ARHGAP15: variants seen among roughly 807,000 people sequenced by gnomAD.
ARHGAP15 encodes rho GTPase-activating protein 15.
ARHGAP15 carries 51 observed loss-of-function variants against 63.7 expected under a neutral mutation model. That is an observed-to-expected ratio of 0.80 (90% CI 0.64 to 1.01). ARHGAP15 has a LOEUF of 1.01. Among genes scored for constraint, ARHGAP15 ranks in the 50% least tolerant of loss-of-function variants. The pLI is 0.00. For synonymous variants in ARHGAP15, 191 were observed against 193.8 expected (o/e 0.99, Z 0.12); for missense variants, 560 against 564.6 (o/e 0.99, Z 0.08).
intron 6 of ARHGAP15, among the ~76,000 whole-genome samples, chr2:143,337,216 C>T (rs1263035394): frequency 6.6e-6 from 1 of 150,432 alleles, no homozygotes; most frequent in African/African-American, 2.4e-5. Flanking sequence ...TGAGGACTTC[C>T]CAACTTGCTG....
chr2:143,313,841 A>C (rs950133284), intron 6 of ARHGAP15, among the ~76,000 whole-genome samples: 1 of 152,126 alleles, frequency 6.6e-6, no homozygotes, highest in Non-Finnish European at 1.5e-5. Context: ...TCAAGCAGGC[A>C]CTTGGAACTT....
In ARHGAP15 at chr2:143,709,390, A is replaced by AAAT. The variant is rs1454146774; in HGVS notation, c.1244+5868_1244+5870dup. Among the ~76,000 whole-genome samples, 6 of 152,390 alleles carry AAAT rather than the reference A, an allele frequency of 3.9e-5. No individual in the cohort carries two copies. The East Asian group carries it at 1.2e-3, about 29-fold the overall frequency. On this transcript the variant is annotated intron_variant, in intron 13 of 13. Transcript: ENST00000295095. Reference sequence around the variant, plus strand: ...AGTAATGTTATTTGTTGATTTTTAAAAATAGCTTTGGAAGAATATATTTGC... The same window carrying AAAT: ...AGTAATGTTATTTGTTGATTTTTAAAAATAATAGCTTTGGAAGAATATATTTGC...
At chr2:143,566,929 C>A (rs961872721) in intron 11 of ARHGAP15, among the ~76,000 whole-genome samples, 23 of 151,872 alleles carry the variant, frequency 1.5e-4, no homozygotes, top group African/African-American at 5.6e-4. Flanking sequence ...GCTCTGTCGC[C>A]CAGTGCCACG....
At chr2:143,367,040 T>C (rs968691829) in intron 6 of ARHGAP15, among the ~76,000 whole-genome samples, 8 of 152,138 alleles carry the variant, frequency 5.3e-5, no homozygotes, top group African/African-American at 1.4e-4. Flanking sequence ...CAAGATGCAG[T>C]AGTAGCATTG....
intron 8 of ARHGAP15, among the ~76,000 whole-genome samples, chr2:143,438,141 T>A (rs992714328): frequency 6.6e-6 from 1 of 152,152 alleles, no homozygotes; most frequent in Non-Finnish European, 1.5e-5. Flanking sequence ...AATCATCATT[T>A]TTTTCCTGCT....
chr2:143,201,025 G>A (rs958092115), intron 2 of ARHGAP15, among the ~76,000 whole-genome samples: 21 of 152,052 alleles, frequency 1.4e-4, no homozygotes, highest in African/African-American at 4.6e-4. Flanking sequence ...TCTACCCCAC[G>A]ATATATTTGA....
At chr2:143,324,526 C>A (rs1200420040) in intron 6 of ARHGAP15, among the ~76,000 whole-genome samples, 3 of 152,176 alleles carry the variant, frequency 2.0e-5, no homozygotes, top group African/African-American at 7.2e-5. Flanking sequence ...GAAATGAAGG[C>A]AGAGTAGAAA....
intron 12 of ARHGAP15, among the ~76,000 whole-genome samples, chr2:143,694,645 G>A (rs1243613864): frequency 6.6e-6 from 1 of 152,170 alleles, no homozygotes; most frequent in African/African-American, 2.4e-5. Context: ...AATTTAAAAA[G>A]CTGAATCATA....
intron 1 of ARHGAP15, among the ~76,000 whole-genome samples, chr2:143,134,723 C>T (rs1246723447): frequency 2.0e-5 from 3 of 151,800 alleles, no homozygotes; most frequent in African/African-American, 7.3e-5. Flanking sequence ...CAAGCTCGGC[C>T]TCCCGGGTTC....
intron 6 of ARHGAP15, among the ~76,000 whole-genome samples, chr2:143,264,328 G>A (rs1680887134): frequency 6.6e-6 from 1 of 152,018 alleles, no homozygotes; most frequent in African/African-American, 2.4e-5. Context: ...CAAATGGGAA[G>A]GATATTTTTG....
At position 143,401,635 on chromosome 2, in the gene ARHGAP15, A is replaced by G. The variant is rs568287893; in HGVS notation, c.475-33966A>G. ...TCAAAATATTTTTTTAGAGTGTTCAATGTTAGCAGTGACATTTTTACAGTG... is the reference window on the plus strand; with the variant it reads ...TCAAAATATTTTTTTAGAGTGTTCAGTGTTAGCAGTGACATTTTTACAGTG... On this transcript the variant is annotated intron_variant, in intron 6 of 13. Transcript: ENST00000295095. 2.0e-5 allele frequency among the ~76,000 whole-genome samples: 3 copies of G among 152,086 alleles called. 1 individual carries two copies. The highest frequency in any genetic ancestry group is 7.2e-5 in the African/African-American group (3 of 41,540).
At chr2:143,315,571 G>C (rs1683664615) in intron 6 of ARHGAP15, among the ~76,000 whole-genome samples, 1 of 152,074 alleles carries the variant, frequency 6.6e-6, no homozygotes, top group African/African-American at 2.4e-5. Context: ...AACTCCCCAG[G>C]TGCTCCTGTG....
intron 13 of ARHGAP15, among the ~76,000 whole-genome samples, chr2:143,765,394 TAAC>T (rs1308839768): frequency 1.3e-5 from 2 of 152,070 alleles, no homozygotes. Context: ...GCAAATGAAA[TAAC>T]AAAGTGGCAT....
At chr2:143,193,899 G>GGAAC (rs1691774638) in intron 2 of ARHGAP15, among the ~76,000 whole-genome samples, 1 of 152,148 alleles carries the variant, frequency 6.6e-6, no homozygotes, top group Non-Finnish European at 1.5e-5. Flanking sequence ...CTTCAGTGAT[G>GGAAC]GAACATACAC....
chr2:143,268,337 G>T (rs1442681590), intron 6 of ARHGAP15, among the ~76,000 whole-genome samples: 2 of 151,974 alleles, frequency 1.3e-5, no homozygotes, highest in African/African-American at 4.8e-5. Context: ...TAGGATATGT[G>T]GCTGGCACTT....
intron 8 of ARHGAP15, among the ~76,000 whole-genome samples, chr2:143,438,831 A>G (rs765911697): frequency 3.3e-5 from 5 of 152,190 alleles, no homozygotes; most frequent in Admixed American, 6.5e-5. Flanking sequence ...TGTAGTACAT[A>G]TAAAAGAATA....
chr2:143,489,899 A>G (rs917447887), intron 9 of ARHGAP15, among the ~76,000 whole-genome samples: 10 of 152,340 alleles, frequency 6.6e-5, no homozygotes, highest in African/African-American at 2.2e-4. Context: ...ACCAAGGTTC[A>G]GGAAAGCTGT....
intron 10 of ARHGAP15, among the ~76,000 whole-genome samples, chr2:143,541,950 G>T (rs1559039389): frequency 6.6e-6 from 1 of 152,214 alleles, no homozygotes; most frequent in Non-Finnish European, 1.5e-5. Flanking sequence ...GCTGTCTTTT[G>T]TTTGTCTGTG....
chr2:143,413,967 G>A (rs867475371), intron 6 of ARHGAP15, among the ~76,000 whole-genome samples: 2 of 26,664 alleles, frequency 7.5e-5, no homozygotes, highest in Non-Finnish European at 1.6e-4. Context: ...GTGTGTGTGT[G>A]CGCGCTCTCT....
Sources: allele counts gnomAD v4.1 joint callset (sites outside exome capture counted in the v4.1 genomes callset), GRCh38; gene constraint gnomAD v4.1.1; transcripts MANE v1.5; gene names NCBI Gene and HGNC (gene_info 2026-07-23, HGNC 2026-07-21).